The following ATP8A2 variants were observed in gnomAD, a reference collection of about 807,000 sequenced individuals.
The protein encoded by ATP8A2 is phospholipid-transporting ATPase IB.
ATP8A2 carries 100 observed loss-of-function variants against 165.6 expected under a neutral mutation model. The ratio of observed to expected loss-of-function variants is 0.60; its 90% confidence interval spans 0.51 to 0.71. The LOEUF (loss-of-function observed/expected upper bound fraction) is 0.71, where lower values mean the gene tolerates loss of function less well. Ranked by LOEUF, ATP8A2 falls within the 30% of genes least tolerant of loss-of-function variation. The pLI is 0.00. For synonymous variants in ATP8A2, 543 were observed against 548.8 expected (o/e 0.99, Z 0.15); for missense variants, 1,227 against 1,479.5 (o/e 0.83, Z 2.80).
rs1361652023 is a variant in ATP8A2 at position 25,866,552 on chromosome 13, G to GAACCCA, written c.3183+4144_3183+4145insAACCCA. Among the ~76,000 whole-genome samples, 15 of 151,808 alleles carry GAACCCA rather than the reference G, an allele frequency of 9.9e-5. No individual in the cohort carries two copies. The South Asian group carries it at 1.7e-3, about 17-fold the overall frequency. Reference sequence around the variant, plus strand: ...TGACCACCTGCATCCAAATCATCTGGGTTGCTTGTCAAAATGACAACCCCC... The same window carrying GAACCCA: ...TGACCACCTGCATCCAAATCATCTGGAACCCAGTTGCTTGTCAAAATGACAACCCCC... On this transcript the variant is annotated intron_variant, in intron 33 of 36. Transcript: ENST00000381655.
At chr13:25,546,945 C>CA (rs2038670106) in intron 10 of ATP8A2, among the ~76,000 whole-genome samples, 2 of 151,992 alleles carry the variant, frequency 1.3e-5, no homozygotes, top group South Asian at 4.1e-4. Context: ...GCCTGGCCAA[C>CA]ATGGTGAAAC....
chr13:25,638,149 G>A (rs1330455495), intron 24 of ATP8A2, among the ~76,000 whole-genome samples: 1 of 152,164 alleles, frequency 6.6e-6, no homozygotes, highest in Non-Finnish European at 1.5e-5. Context: ...AAACCACAAA[G>A]ATGGGGAAAA....
At chr13:25,854,604 C>G (rs1203513327) in intron 30 of ATP8A2, among the ~76,000 whole-genome samples, 2 of 152,210 alleles carry the variant, frequency 1.3e-5, no homozygotes, top group Non-Finnish European at 2.9e-5. Context: ...GTGTGGGCCA[C>G]TGTGCCTGGC....
chr13:25,668,580 G>A (rs1320221117), intron 24 of ATP8A2, among the ~76,000 whole-genome samples: 1 of 151,978 alleles, frequency 6.6e-6, no homozygotes, highest in Non-Finnish European at 1.5e-5. Flanking sequence ...CATCAAATTT[G>A]GGAGTTTTCA....
At chr13:25,941,537 C>T (rs573828077) in intron 33 of ATP8A2, among the ~76,000 whole-genome samples, 4 of 152,166 alleles carry the variant, frequency 2.6e-5, no homozygotes, top group East Asian at 1.9e-4. Flanking sequence ...CCCACACAGG[C>T]GTCTCTTCCA....
intron 2 of ATP8A2, among the ~76,000 whole-genome samples, chr13:25,508,195 T>C (rs2037111102): frequency 1.3e-5 from 2 of 152,208 alleles, no homozygotes; most frequent in Non-Finnish European, 2.9e-5. Flanking sequence ...GTCTACTATA[T>C]ATTAAAATTT....
chr13:25,624,519 G>T (rs1467390405), intron 24 of ATP8A2, among the ~76,000 whole-genome samples: 1 of 152,118 alleles, frequency 6.6e-6, no homozygotes, highest in Non-Finnish European at 1.5e-5. Context: ...GATACTTAAT[G>T]TTAACTAGTT....
Position 25,534,208 on chromosome 13 carries a change from T to C in ATP8A2, c.507+895T>C, listed in dbSNP as rs766199965. The C allele has an allele frequency of 1.5e-5, 8 of 532,848 alleles. No homozygotes were observed. The Admixed American group carries it at 1.6e-4, about 10-fold the overall frequency. The allele number at this position is 532,848 out of a possible 1,614,324, so 33.0% of individuals were successfully genotyped here. A position where few individuals can be genotyped will look rare whatever the true frequency, so the allele number is the denominator to read the frequency against. On this transcript the variant is annotated intron_variant, in intron 6 of 36. Coordinates refer to ENST00000381655, the MANE Select transcript of ATP8A2 (RefSeq NM_016529.6). The stretch of plus-strand genomic sequence containing the variant: ...GAATTCGCCACCCTTTAAAGAAATT[T>C]CTCCTTTATAGTGTTTTACAGTAAC...
chr13:25,805,930 G>A (rs1950724653), intron 27 of ATP8A2, among the ~76,000 whole-genome samples: 1 of 152,040 alleles, frequency 6.6e-6, no homozygotes, highest in East Asian at 1.9e-4. Flanking sequence ...TAAAAAAAAT[G>A]CAAACACTTT....
rs888860361 is a variant in ATP8A2 at position 25,379,270 on chromosome 13, C to G, written c.76+6982C>G. 5.1e-4 allele frequency among the ~76,000 whole-genome samples: 77 copies of G among 152,190 alleles called. 1 individual carries two copies. The highest frequency in any genetic ancestry group is 1.8e-3 in the African/African-American group (76 of 41,448). On this transcript the variant is annotated intron_variant, in intron 1 of 36. Coordinates refer to ENST00000381655, the MANE Select transcript of ATP8A2 (RefSeq NM_016529.6). ...GTAAGCCAAATGCAGCACCGAGGAT[C>G]CCAGGATTACTGTAAATATTTTAAG...
chr13:25,689,004 A>C (rs1459387637), intron 24 of ATP8A2, among the ~76,000 whole-genome samples: 4 of 152,222 alleles, frequency 2.6e-5, no homozygotes, highest in African/African-American at 9.6e-5. Context: ...TGCTGTTTGC[A>C]CAAGACTAAA....
chr13:25,403,821 A>T (rs11841180), intron 1 of ATP8A2, among the ~76,000 whole-genome samples: 2 of 152,038 alleles, frequency 1.3e-5, no homozygotes, highest in Non-Finnish European at 2.9e-5. Flanking sequence ...TAGATGACTC[A>T]AAGTTGGGAG....
intron 33 of ATP8A2, among the ~76,000 whole-genome samples, chr13:25,957,421 A>G (rs1955553332): frequency 6.6e-6 from 1 of 152,228 alleles, no homozygotes; most frequent in Non-Finnish European, 1.5e-5. Flanking sequence ...ATTTACAAGG[A>G]AAAAACAACC....
chr13:25,448,987 G>C (rs1423803232), intron 1 of ATP8A2, among the ~76,000 whole-genome samples: 1 of 152,058 alleles, frequency 6.6e-6, no homozygotes, highest in African/African-American at 2.4e-5. Flanking sequence ...AAAGTTCTTA[G>C]TAATTTCTGA....
rs527239073 is a variant in ATP8A2 at position 25,512,658 on chromosome 13, G to A, written c.222-17341G>A. On this transcript the variant is annotated intron_variant, in intron 2 of 36. Transcript: ENST00000381655. The stretch of plus-strand genomic sequence containing the variant: ...GGGGCTGACCCCCCACCTCCCTCCC[G>A]GACGGGGTGGCTGGCCGGGCGGGGG... 3.1e-3 allele frequency among the ~76,000 whole-genome samples: 441 copies of A among 142,460 alleles called. 10 individuals are homozygous for A. Among genetic ancestry groups the A allele is most frequent in the African/African-American group, 0.01 (395 of 37,890 alleles). 93.5% of individuals were successfully genotyped at this position (142,460 alleles called of 152,430 possible). A position where few individuals can be genotyped will look rare whatever the true frequency, so the allele number is the denominator to read the frequency against.
chr13:25,638,558 A>C (rs986252721), intron 24 of ATP8A2, among the ~76,000 whole-genome samples: 1 of 152,192 alleles, frequency 6.6e-6, no homozygotes, highest in Non-Finnish European at 1.5e-5. Flanking sequence ...GTTTAGAGAA[A>C]GATGAGTAAA....
chr13:26,003,511 C>A (rs937508107), intron 35 of ATP8A2, among the ~76,000 whole-genome samples: 2 of 152,238 alleles, frequency 1.3e-5, no homozygotes, highest in Middle Eastern at 3.4e-3. Flanking sequence ...CTTTGCTGTG[C>A]AGAAGCTCTA....
chr13:26,020,846 C>A lies in ATP8A2; in HGVS notation c.*861C>A, dbSNP rs932373404. On this transcript the variant is annotated 3_prime_UTR_variant, in exon 37 of 37. Transcript: ENST00000381655. ...CTGTAAAGAAAGAAAAGAAACATAG[C>A]CTTTCTGCATATATTCTAAACGTCT... 2 of 152,298 alleles carry A rather than the reference C, an allele frequency of 1.3e-5. No individual in the cohort carries two copies. Among genetic ancestry groups the A allele is most frequent in the Non-Finnish European group, 2.9e-5 (2 of 68,092 alleles). The allele number at this position is 152,298 out of a possible 1,614,324, so 9.4% of individuals were successfully genotyped here.
intron 24 of ATP8A2, among the ~76,000 whole-genome samples, chr13:25,615,908 G>C (rs1167762130): frequency 6.6e-6 from 1 of 152,094 alleles, no homozygotes; most frequent in Non-Finnish European, 1.5e-5. Flanking sequence ...CCTGAAGCTC[G>C]CAGCAGTAAT....
Sources: gnomAD v4.1 joint callset for allele counts (sites outside exome capture counted in the v4.1 genomes callset) on GRCh38, gnomAD v4.1.1 for gene constraint, MANE v1.5 for transcripts, NCBI Gene and HGNC (gene_info 2026-07-23, HGNC 2026-07-21) for gene names.